The following VWC2 variants were observed in gnomAD, a reference collection of about 807,000 sequenced individuals.
VWC2 encodes brorin.
VWC2 carries 14 observed loss-of-function variants against 29.8 expected under a neutral mutation model. The observed-to-expected ratio is 0.47, with a 90% CI of 0.31 to 0.74. VWC2 has a LOEUF of 0.74. Ranked by LOEUF, VWC2 falls within the 30% of genes least tolerant of loss-of-function variation. The pLI is 0.05. For synonymous variants in VWC2, 213 were observed against 199.0 expected (o/e 1.07, Z -0.59); for missense variants, 457 against 459.8 (o/e 0.99, Z 0.05).
At chr7:49,777,041 T>G (rs1156716408) in intron 2 of VWC2, among the ~76,000 whole-genome samples, 2 of 152,226 alleles carry the variant, frequency 1.3e-5, no homozygotes, top group East Asian at 3.8e-4. Flanking sequence ...CTGCACAGCA[T>G]GCATGCACAG....
chr7:49,841,896 T>C (rs1040612352), intron 3 of VWC2, among the ~76,000 whole-genome samples: 4 of 152,128 alleles, frequency 2.6e-5, no homozygotes, highest in African/African-American at 4.8e-5. Context: ...GATGGAGTTT[T>C]GCTCTTATTG....
Position 49,916,480 on chromosome 7 carries a change from C to T in VWC2, c.*4295C>T, listed in dbSNP as rs1450164565. ...AGTTCTTATTGGAAGAATTGTCACT[C>T]TATGTCCCAGTAATAGTACTAATTT... is the stretch of plus-strand genomic sequence containing the variant. On this transcript the variant is annotated 3_prime_UTR_variant, in exon 4 of 4. Transcript: ENST00000340652. 3.3e-5 allele frequency: 5 copies of T among 152,178 alleles called. No individual in the cohort carries two copies. Among genetic ancestry groups the T allele is most frequent in the Non-Finnish European group, 7.3e-5 (5 of 68,040 alleles). The allele number at this position is 152,178 out of a possible 1,614,324, so 9.4% of individuals were successfully genotyped here.
chr7:49,793,335 C>CT lies in VWC2; in HGVS notation c.697-9365dup, dbSNP rs76845019. 6.1e-3 allele frequency among the ~76,000 whole-genome samples: 893 copies of CT among 145,860 alleles called. 3 individuals are homozygous for CT. Among genetic ancestry groups the CT allele is most frequent in the African/African-American group, 0.018 (739 of 40,002 alleles). On this transcript the variant is annotated intron_variant, in intron 2 of 3. Transcript: ENST00000340652. ...TTTTGTCACATTTGTTTCTAACCCT[C>CT]TTTTTTTTTTTAATGAAATTGAAGT...
chr7:49,793,394 T>A (rs10224401), intron 2 of VWC2, among the ~76,000 whole-genome samples: 41,203 of 151,834 alleles, frequency 0.27, 6,993 homozygotes, highest in Non-Finnish European at 0.38. Context: ...CTCTCATTCA[T>A]CCCATCCTGT....
chr7:49,783,802 C>A lies in VWC2; in HGVS notation c.696+7671C>A, dbSNP rs536856284. Reference sequence around the variant, plus strand: ...CAGTGGCTCATGCCTATAATCCCGGCAGTTCGGGAGGCCGAGCTGGGAGGA... The same window carrying A: ...CAGTGGCTCATGCCTATAATCCCGGAAGTTCGGGAGGCCGAGCTGGGAGGA... On this transcript the variant is annotated intron_variant, in intron 2 of 3. Coordinates refer to ENST00000340652, the MANE Select transcript of VWC2 (RefSeq NM_198570.5). Among the ~76,000 whole-genome samples, 37 of 152,176 alleles carry A rather than the reference C, an allele frequency of 2.4e-4. No homozygotes were observed. In the South Asian group the frequency reaches 2.5e-3, roughly 10 times the overall value.
chr7:49,844,198 T>A (rs1356394104), intron 3 of VWC2, among the ~76,000 whole-genome samples: 75 of 152,188 alleles, frequency 4.9e-4, no homozygotes, highest in Admixed American at 4.9e-3. Flanking sequence ...AGAGTGGACG[T>A]CATGCATGCT....
chr7:49,864,864 T>C (rs1384120800), intron 3 of VWC2, among the ~76,000 whole-genome samples: 1 of 152,222 alleles, frequency 6.6e-6, no homozygotes, highest in Non-Finnish European at 1.5e-5. Context: ...CATTTTTAAG[T>C]TGCCTTGTTC....
intron 3 of VWC2, chr7:49,901,052 G>C (rs955110998): frequency 1.3e-5 from 2 of 151,750 alleles, no homozygotes; most frequent in Non-Finnish European, 3.0e-5. Flanking sequence ...GGTAAACTAG[G>C]AACAGAGGAG....
intron 3 of VWC2, among the ~76,000 whole-genome samples, chr7:49,906,044 T>C (rs947580732): frequency 2.0e-5 from 3 of 152,206 alleles, no homozygotes; most frequent in South Asian, 4.1e-4. Context: ...GACTCCCTGT[T>C]TAGCATATAA....
intron 2 of VWC2, among the ~76,000 whole-genome samples, chr7:49,796,359 C>G (rs1788589780): frequency 6.6e-6 from 1 of 152,192 alleles, no homozygotes; most frequent in East Asian, 1.9e-4. Context: ...TGGAATTACT[C>G]TCTAGCTGCC....
chr7:49,869,818 G>GT (rs60938061), intron 3 of VWC2, among the ~76,000 whole-genome samples: 2,597 of 152,142 alleles, frequency 0.017, 38 homozygotes, highest in Admixed American at 0.037. Context: ...GTACATATAT[G>GT]TTTTTTCATA....
At chr7:49,814,527 C>G (rs1448390247) in intron 3 of VWC2, among the ~76,000 whole-genome samples, 5 of 152,116 alleles carry the variant, frequency 3.3e-5, no homozygotes, top group Non-Finnish European at 7.4e-5. Context: ...GGGGCAGAAT[C>G]TTATTTTTAA....
rs968222663 is a variant in VWC2 at position 49,808,094 on chromosome 7, T to C, written c.826+5254T>C. The stretch of plus-strand genomic sequence containing the variant: ...TGACAGGTCCTGTTCTTGGTGCATA[T>C]ATGAGAGAAAAAATAAAAAAATAGA... On this transcript the variant is annotated intron_variant, in intron 3 of 3. Transcript: ENST00000340652. Among the ~76,000 whole-genome samples the C allele has an allele frequency of 5.9e-5, 9 of 152,012 alleles. No homozygotes were observed. The East Asian group carries it at 7.7e-4, about 13-fold the overall frequency.
intron 3 of VWC2, among the ~76,000 whole-genome samples, chr7:49,884,414 C>G (rs540381456): frequency 1.3e-5 from 2 of 152,134 alleles, no homozygotes; most frequent in South Asian, 4.1e-4. Context: ...GTCTCCTTGA[C>G]TAAAATTGGG....
intron 2 of VWC2, among the ~76,000 whole-genome samples, chr7:49,801,029 A>G (rs2128705642): frequency 6.6e-6 from 1 of 152,016 alleles, no homozygotes; most frequent in Non-Finnish European, 1.5e-5. Context: ...TCTTTTTTAC[A>G]TTTTTTTGGC....
At chr7:49,847,675 C>T (rs1054618927) in intron 3 of VWC2, among the ~76,000 whole-genome samples, 2 of 152,176 alleles carry the variant, frequency 1.3e-5, no homozygotes, top group African/African-American at 4.8e-5. Context: ...AAAATATGAG[C>T]AAAAGCCCTC....
chr7:49,887,897 C>T (rs1240063850), intron 3 of VWC2, among the ~76,000 whole-genome samples: 3 of 152,204 alleles, frequency 2.0e-5, no homozygotes, highest in Admixed American at 1.3e-4. Flanking sequence ...TTCTTCCTTG[C>T]GTTGTATTTA....
chr7:49,847,474 A>T (rs965989999), intron 3 of VWC2, among the ~76,000 whole-genome samples: 1 of 151,888 alleles, frequency 6.6e-6, no homozygotes, highest in African/African-American at 2.4e-5. Context: ...ATTACTTGTG[A>T]CCCTCCCAAG....
intron 3 of VWC2, among the ~76,000 whole-genome samples, chr7:49,900,063 T>C (rs1792631293): frequency 6.6e-6 from 1 of 151,708 alleles, no homozygotes; most frequent in African/African-American, 2.4e-5. Flanking sequence ...AATAAACTTA[T>C]AAATAACACA....
Sources: gnomAD v4.1 joint callset for allele counts (sites outside exome capture counted in the v4.1 genomes callset) on GRCh38, gnomAD v4.1.1 for gene constraint, MANE v1.5 for transcripts, NCBI Gene and HGNC (gene_info 2026-07-23, HGNC 2026-07-21) for gene names.